NRN1: variants seen among roughly 807,000 people sequenced by gnomAD.
NRN1 encodes the protein neuritin 1.
A neutral mutation model predicts 15.0 loss-of-function variants in NRN1; 4 were observed. The observed-to-expected ratio is 0.27, with a 90% CI of 0.13 to 0.61. NRN1 has a LOEUF of 0.61. Ranked by LOEUF, NRN1 falls within the 20% of genes least tolerant of loss-of-function variation. NRN1 has a pLI of 0.87. For missense variants in NRN1, 134 were observed against 181.9 expected (o/e 0.74, Z 1.51); for synonymous variants, 85 against 79.8 (o/e 1.07, Z -0.35).
At position 5,998,899 on chromosome 6, in the gene NRN1, A is replaced by G; in HGVS notation, c.*77T>C. On this transcript the variant is annotated 3_prime_UTR_variant, in exon 3 of 3. Transcript: ENST00000244766. ...CAGAGAATCACAACGTCCCCAAAGA[A>G]CTAATGGATCTTCCTCTCGATTTCC... The G allele has an allele frequency of 1.0e-6, 1 of 998,000 alleles. No homozygotes were observed. Among genetic ancestry groups the G allele is most frequent in the Non-Finnish European group, 1.5e-6 (1 of 658,034 alleles). The allele number at this position is 998,000 out of a possible 1,614,324, so 61.8% of individuals were successfully genotyped here. A position where few individuals can be genotyped will look rare whatever the true frequency, so the allele number is the denominator to read the frequency against.
intron 1 of NRN1, chr6:6,003,310 G>A (rs1205262854): frequency 1.3e-5 from 15 of 1,175,790 alleles, no homozygotes; most frequent in Non-Finnish European, 1.5e-5. Context: ...GCGGGGTCAC[G>A]GATGAGTCTG....
intron 2 of NRN1, 68 bp downstream of exon 2, chr6:6,002,285 G>T: frequency 6.4e-7 from 1 of 1,567,000 alleles, no homozygotes; most frequent in Non-Finnish European, 8.7e-7. Flanking sequence ...AGGCGGGGAG[G>T]CTCGGCACTC....
chr6:6,002,186 C>G (rs1391507240), intron 2 of NRN1, among the ~76,000 whole-genome samples, 167 bp downstream of exon 2: 1 of 152,234 alleles, frequency 6.6e-6, no homozygotes, highest in African/African-American at 2.4e-5. Context: ...CAGGTTCTAA[C>G]CCGGGGGCCT....
At chr6:6,006,384 G>C (rs943291487) in intron 1 of NRN1, among the ~76,000 whole-genome samples, 2 of 152,134 alleles carry the variant, frequency 1.3e-5, no homozygotes, top group African/African-American at 4.8e-5. Context: ...GCCCCAGAGC[G>C]CACCAAACCT....
upstream of NRN1, chr6:6,007,369 T>C (rs949506709): frequency 6.6e-6 from 1 of 152,218 alleles, no homozygotes. Flanking sequence ...CCACAGAGAA[T>C]CCAGCCCGCT....
At chr6:6,004,065 C>G (rs1317535652) in intron 1 of NRN1, 18 of 1,134,904 alleles carry the variant, frequency 1.6e-5, no homozygotes, top group Non-Finnish European at 1.8e-5. Flanking sequence ...AGAGCGTACC[C>G]GTTTGCAAAT....
intron 1 of NRN1, chr6:6,003,017 C>G (rs1384874176): frequency 2.2e-6 from 1 of 454,324 alleles, no homozygotes; most frequent in Non-Finnish European, 3.6e-6. Flanking sequence ...CAGCTGAACC[C>G]AACGCCACAT....
At chr6:6,004,473 C>T (rs1443256305) in intron 1 of NRN1, among the ~76,000 whole-genome samples, 1 of 152,228 alleles carries the variant, frequency 6.6e-6, no homozygotes, top group Non-Finnish European at 1.5e-5. Flanking sequence ...CCCTAAAATG[C>T]ATTGACATTT....
At chr6:6,003,111 C>T in intron 1 of NRN1, 1 of 997,190 alleles carries the variant, frequency 1.0e-6, no homozygotes, top group Non-Finnish European at 1.3e-6. Context: ...AATATAGTCC[C>T]TGGAAGCCAC....
chr6:6,003,811 G>A, intron 1 of NRN1: 1 of 1,233,822 alleles, frequency 8.1e-7, no homozygotes, highest in Non-Finnish European at 1.0e-6. Flanking sequence ...CCGGGAGGGC[G>A]CCAGAGAAGC....
At position 5,998,973 on chromosome 6, in the gene NRN1, C is replaced by A. The variant is rs369753135; in HGVS notation, c.*3G>T. On this transcript the variant is annotated 3_prime_UTR_variant, in exon 3 of 3. Coordinates refer to ENST00000244766, the MANE Select transcript of NRN1 (RefSeq NM_016588.3). Reference sequence around the variant, plus strand: ...GGGCGCGCGGGGGGAGCTGGCCCCACGCTCAGAAGGAAAGCCAGGTCGCTA... The same window carrying A: ...GGGCGCGCGGGGGGAGCTGGCCCCAAGCTCAGAAGGAAAGCCAGGTCGCTA... 2 of 1,606,642 alleles carry A rather than the reference C, an allele frequency of 1.2e-6. No homozygotes were observed. Among genetic ancestry groups the A allele is most frequent in the East Asian group, 4.5e-5 (2 of 44,702 alleles).
intron 1 of NRN1, chr6:6,003,690 G>C: frequency 1.6e-6 from 2 of 1,234,044 alleles, no homozygotes; most frequent in South Asian, 4.1e-5. Context: ...CGCGGGACTG[G>C]AAGGACAGGT....
intron 1 of NRN1, among the ~76,000 whole-genome samples, chr6:6,004,663 C>T (rs1248364755): frequency 6.6e-6 from 1 of 152,310 alleles, no homozygotes; most frequent in East Asian, 1.9e-4. Context: ...CTCTGGGAGG[C>T]CGGGAGGCTG....
At chr6:6,004,436 C>A (rs557993255) in intron 1 of NRN1, among the ~76,000 whole-genome samples, 1 of 152,148 alleles carries the variant, frequency 6.6e-6, no homozygotes, top group South Asian at 2.1e-4. Context: ...CTTGCCTACA[C>A]CCCCAAAACT....
At chr6:6,003,772 G>A in intron 1 of NRN1, 1 of 1,234,230 alleles carries the variant, frequency 8.1e-7, no homozygotes, top group Non-Finnish European at 1.0e-6. Context: ...TGGAAGCTGA[G>A]TGCCTAGCGG....
chr6:5,999,419 G>T (rs573194404), intron 2 of NRN1, among the ~76,000 whole-genome samples: 9 of 152,366 alleles, frequency 5.9e-5, no homozygotes, highest in East Asian at 3.9e-4. Context: ...TAAAGCGGGG[G>T]TGGGGGGGCG....
At chr6:6,007,050 G>C, upstream of NRN1, 2 of 389,234 alleles carry the variant, frequency 5.1e-6, no homozygotes, top group South Asian at 8.8e-5. Flanking sequence ...CCTGACGTGG[G>C]GGATGACACG....
chr6:6,007,188 G>A (rs1487547754), upstream of NRN1, among the ~76,000 whole-genome samples: 2 of 152,074 alleles, frequency 1.3e-5, no homozygotes, highest in Admixed American at 6.5e-5. Flanking sequence ...CCGGGGGTGA[G>A]CACTTTCCTA....
intron 1 of NRN1, chr6:6,004,137 A>G: frequency 1.4e-6 from 1 of 707,504 alleles, no homozygotes; most frequent in Non-Finnish European, 1.8e-6. Flanking sequence ...GCACTGGGGA[A>G]GGGACCGAGG....
Sources: allele counts gnomAD v4.1 joint callset (sites outside exome capture counted in the v4.1 genomes callset), GRCh38; gene constraint gnomAD v4.1.1; transcripts MANE v1.5; gene names NCBI Gene and HGNC (gene_info 2026-07-23, HGNC 2026-07-21).